Variants in SGMS2 observed in about 807,000 individuals in gnomAD.
SGMS2 encodes phosphatidylcholine:ceramide cholinephosphotransferase 2.
In SGMS2, 21 loss-of-function variants were observed where a neutral mutation model predicts 43.8. The observed-to-expected ratio is 0.48, with a 90% CI of 0.34 to 0.69. SGMS2 has a LOEUF of 0.69. Among genes scored for constraint, SGMS2 ranks in the 30% least tolerant of loss-of-function variants. The pLI is 0.01. For synonymous variants in SGMS2, 167 were observed against 160.6 expected, an observed-to-expected ratio of 1.04 and a Z score of -0.30; for missense variants, 384 against 443.2, an observed-to-expected ratio of 0.87 and a Z score of 1.20.
intron 5 of SGMS2, 42 bp from the exon 6 acceptor site, chr4:107,908,523 C>A: frequency 6.3e-7 from 1 of 1,574,906 alleles, no homozygotes; most frequent in Non-Finnish European, 8.7e-7. Flanking sequence ...TTACATTCAT[C>A]TCTGGGAATC....
At chr4:107,878,860 A>C (rs1341145754) in intron 2 of SGMS2, among the ~76,000 whole-genome samples, 1 of 152,184 alleles carries the variant, frequency 6.6e-6, no homozygotes, top group Non-Finnish European at 1.5e-5. Flanking sequence ...CCAGATTTTA[A>C]AATATCCTGT....
intron 2 of SGMS2, among the ~76,000 whole-genome samples, chr4:107,874,503 A>T (rs1412393401): frequency 6.6e-6 from 1 of 152,208 alleles, no homozygotes; most frequent in Non-Finnish European, 1.5e-5. Context: ...TCCCTAGAAG[A>T]CTATGTCTGT....
chr4:107,833,102 G>A (rs568436593), intron 1 of SGMS2, among the ~76,000 whole-genome samples: 1 of 152,304 alleles, frequency 6.6e-6, no homozygotes, highest in South Asian at 2.1e-4. Flanking sequence ...GCTTCTGAGT[G>A]CATGGTCGAC....
intron 2 of SGMS2, among the ~76,000 whole-genome samples, chr4:107,880,851 CA>C (rs758313839): frequency 1.7e-3 from 71 of 42,924 alleles, no homozygotes; most frequent in East Asian, 4.9e-3. Flanking sequence ...GAGACTGTCT[CA>C]AAAAAAAAAA....
At chr4:107,891,302 A>T (rs979457631) in intron 2 of SGMS2, among the ~76,000 whole-genome samples, 1 of 125,910 alleles carries the variant, frequency 7.9e-6, no homozygotes, top group African/African-American at 3.4e-5. Context: ...GAAAAAGAGA[A>T]ACAATAAAAA....
chr4:107,882,096 G>C (rs1396367492), intron 2 of SGMS2, among the ~76,000 whole-genome samples: 1 of 152,104 alleles, frequency 6.6e-6, no homozygotes, highest in Non-Finnish European at 1.5e-5. Flanking sequence ...TCTTTGATAT[G>C]CTGATTTTCT....
At chr4:107,906,668 C>T (rs964451697) in intron 5 of SGMS2, among the ~76,000 whole-genome samples, 4 of 152,152 alleles carry the variant, frequency 2.6e-5, no homozygotes, top group African/African-American at 9.7e-5. Context: ...CCAGTGTTCT[C>T]AGTTAATGAG....
At chr4:107,876,065 C>G (rs1217456779) in intron 2 of SGMS2, among the ~76,000 whole-genome samples, 1 of 152,142 alleles carries the variant, frequency 6.6e-6, no homozygotes, top group Admixed American at 6.6e-5. Context: ...TTTTTCAGTG[C>G]CCAATTCCTG....
chr4:107,844,140 G>C (rs1319708289), intron 1 of SGMS2, among the ~76,000 whole-genome samples: 1 of 151,708 alleles, frequency 6.6e-6, no homozygotes, highest in Non-Finnish European at 1.5e-5. Flanking sequence ...GGCCAACATA[G>C]TGAAACCCAG....
At chr4:107,841,731 A>C (rs1726519774) in intron 1 of SGMS2, among the ~76,000 whole-genome samples, 1 of 151,838 alleles carries the variant, frequency 6.6e-6, no homozygotes, top group Non-Finnish European at 1.5e-5. Context: ...TGGTGCAATC[A>C]CAGCTCACTG....
intron 1 of SGMS2, among the ~76,000 whole-genome samples, chr4:107,837,580 AGTCTTGTTCCAAAT>A (rs1169732174): frequency 6.6e-6 from 1 of 152,182 alleles, no homozygotes; most frequent in Non-Finnish European, 1.5e-5. Context: ...AAGGAGTATT[AGTCTTGTTCCAAAT>A]GCCACGAGAA....
At chr4:107,857,316 T>G (rs564008080) in intron 1 of SGMS2, among the ~76,000 whole-genome samples, 2 of 152,124 alleles carry the variant, frequency 1.3e-5, no homozygotes, top group Admixed American at 1.3e-4. Flanking sequence ...AATGCTGTTA[T>G]GAATATTTGT....
At chr4:107,856,550 C>G (rs1458102244) in intron 1 of SGMS2, among the ~76,000 whole-genome samples, 1 of 152,186 alleles carries the variant, frequency 6.6e-6, no homozygotes, top group Non-Finnish European at 1.5e-5. Flanking sequence ...AAGCAACTAT[C>G]TGCTTTAATT....
chr4:107,830,400 A>G (rs1444054741), intron 1 of SGMS2, among the ~76,000 whole-genome samples: 1 of 152,064 alleles, frequency 6.6e-6, no homozygotes, highest in Non-Finnish European at 1.5e-5. Context: ...ATATCTAGTA[A>G]TGGGATTGCT....
chr4:107,886,015 A>AT (rs1729722068), intron 2 of SGMS2, among the ~76,000 whole-genome samples: 1 of 152,226 alleles, frequency 6.6e-6, no homozygotes, highest in South Asian at 2.1e-4. Flanking sequence ...TGAGGTTATT[A>AT]TACCAGTAAA....
At chr4:107,873,230 A>G (rs1168286785) in intron 2 of SGMS2, 1 of 152,180 alleles carries the variant, frequency 6.6e-6, no homozygotes, top group Non-Finnish European at 1.5e-5. Context: ...GGTAATTTGG[A>G]AATATTTAGT....
chr4:107,864,865 C>T (rs1012616665), intron 2 of SGMS2, among the ~76,000 whole-genome samples: 1 of 152,086 alleles, frequency 6.6e-6, no homozygotes, highest in African/African-American at 2.4e-5. Context: ...GAATAACTTC[C>T]TATAAGTGTA....
intron 2 of SGMS2, among the ~76,000 whole-genome samples, chr4:107,858,850 T>C (rs60086311): frequency 0.11 from 17,063 of 152,246 alleles, 1,349 homozygotes; most frequent in African/African-American, 0.21. Context: ...CCCATAACTT[T>C]CTAACCTGTT....
chr4:107,831,966 A>G (rs536009790), intron 1 of SGMS2, among the ~76,000 whole-genome samples: 40 of 152,292 alleles, frequency 2.6e-4, no homozygotes, highest in Middle Eastern at 3.4e-3. Context: ...GGAGTATTGT[A>G]CCATGAACAC....
Sources: gnomAD v4.1 joint callset for allele counts (sites outside exome capture counted in the v4.1 genomes callset) on GRCh38, gnomAD v4.1.1 for gene constraint, MANE v1.5 for transcripts, NCBI Gene and HGNC (gene_info 2026-07-23, HGNC 2026-07-21) for gene names.